Variants in PLD5 observed in about 807,000 individuals in gnomAD.
PLD5 encodes phospholipase D family member 5, also known as inactive phospholipase D5.
In PLD5, 36 loss-of-function variants were observed where a neutral mutation model predicts 61.1. The ratio of observed to expected loss-of-function variants is 0.59; its 90% CI spans 0.45 to 0.78. The LOEUF (loss-of-function observed/expected upper bound fraction) is 0.78. PLD5 is among the 30% of genes least tolerant of loss of function. The pLI is 0.00. For missense variants in PLD5, 515 were observed against 644.4 expected (o/e 0.80, Z 2.17); for synonymous variants, 243 against 242.8 (o/e 1.00, Z -0.01).
At chr1:242,280,905 G>T (rs1674685993) in intron 3 of PLD5, among the ~76,000 whole-genome samples, 1 of 152,222 alleles carries the variant, frequency 6.6e-6, no homozygotes, top group African/African-American at 2.4e-5. Flanking sequence ...CTGTTTGCAT[G>T]ATAAATGAAT....
intron 4 of PLD5, among the ~76,000 whole-genome samples, chr1:242,259,978 G>C (rs1439610927): frequency 1.3e-5 from 2 of 152,110 alleles, no homozygotes; most frequent in Non-Finnish European, 2.9e-5. Context: ...TAATATGACT[G>C]GGCTATTACT....
At chr1:242,336,095 ACT>A (rs896552226) in intron 2 of PLD5, among the ~76,000 whole-genome samples, 22 of 152,132 alleles carry the variant, frequency 1.4e-4, no homozygotes, top group African/African-American at 5.3e-4. Context: ...GATTTTCAAC[ACT>A]CCTCAGAATT....
intron 1 of PLD5, among the ~76,000 whole-genome samples, chr1:242,506,601 T>C (rs148358798): frequency 1.3e-5 from 2 of 152,260 alleles, no homozygotes; most frequent in Non-Finnish European, 2.9e-5. Context: ...GAAAGACACA[T>C]TTCTTCTCTC....
rs1221413297 is a variant in PLD5, at chr1:242,432,361, G to A, written c.190-84119C>T. On this transcript the variant is annotated intron_variant, in intron 1 of 9. Transcript: ENST00000536534. ...CCTATTGGAAATCAAAGGAGAAAAC[G>A]AGCTTAGACAAGGCTACAGGCGAGG... 2.6e-5 allele frequency among the ~76,000 whole-genome samples: 4 copies of A among 152,172 alleles called. No individual in the cohort carries two copies. In the East Asian group the frequency reaches 5.8e-4, roughly 22 times the overall value.
At chr1:242,207,602 T>C (rs1399074809) in intron 5 of PLD5, among the ~76,000 whole-genome samples, 1 of 151,376 alleles carries the variant, frequency 6.6e-6, no homozygotes, top group Admixed American at 6.6e-5. Context: ...AATACTTTTC[T>C]TTTTTTCCCA....
chr1:242,274,175 C>T (rs544428215), intron 3 of PLD5, among the ~76,000 whole-genome samples: 8 of 152,172 alleles, frequency 5.3e-5, no homozygotes, highest in African/African-American at 1.9e-4. Context: ...AAAGATACTA[C>T]AAAGTTAATA....
intron 1 of PLD5, among the ~76,000 whole-genome samples, chr1:242,466,454 A>G (rs7531824): frequency 0.63 from 96,075 of 152,042 alleles, 31,103 homozygotes; most frequent in African/African-American, 0.76. Context: ...AAAATGTGGT[A>G]TATATACACA....
chr1:242,419,899 G>GGCT (rs1389124737), intron 1 of PLD5, among the ~76,000 whole-genome samples: 1 of 152,098 alleles, frequency 6.6e-6, no homozygotes, highest in Non-Finnish European at 1.5e-5. Flanking sequence ...TTTAATCCAA[G>GGCT]GCTGCTAGCT....
At chr1:242,337,005 G>A (rs898124452) in intron 2 of PLD5, among the ~76,000 whole-genome samples, 17 of 152,030 alleles carry the variant, frequency 1.1e-4, no homozygotes, top group Non-Finnish European at 2.9e-5. Flanking sequence ...CTCAAATCAA[G>A]GCTGCTTAAA....
chr1:242,448,726 C>T (rs1384946744), intron 1 of PLD5, among the ~76,000 whole-genome samples: 1 of 152,164 alleles, frequency 6.6e-6, no homozygotes, highest in East Asian at 1.9e-4. Context: ...TTAAGGATCA[C>T]CTCATCCTGG....
intron 1 of PLD5, among the ~76,000 whole-genome samples, chr1:242,493,611 A>G (rs1668246330): frequency 1.3e-5 from 2 of 152,148 alleles, no homozygotes; most frequent in African/African-American, 4.8e-5. Flanking sequence ...GCCACCGAGG[A>G]TAGCTGGAGA....
intron 1 of PLD5, among the ~76,000 whole-genome samples, chr1:242,512,974 T>C (rs555717143): frequency 6.6e-6 from 1 of 152,110 alleles, no homozygotes; most frequent in South Asian, 2.1e-4. Context: ...TGAGTTCAAG[T>C]AATCCTCCCA....
Position 242,207,810 on chromosome 1 carries a change from T to TTATA in PLD5, c.735+12174_735+12177dup, listed in dbSNP as rs1403885337. 5.9e-3 allele frequency among the ~76,000 whole-genome samples: 223 copies of TTATA among 37,540 alleles called. 37 individuals are homozygous for TTATA. The highest frequency in any genetic ancestry group is 0.035 in the East Asian group (48 of 1,390). The allele number at this position is 37,540 out of a possible 152,430, so 24.6% of individuals were successfully genotyped here. A position where few individuals can be genotyped will look rare whatever the true frequency, so the allele number is the denominator to read the frequency against. On this transcript the variant is annotated intron_variant, in intron 5 of 9. Coordinates refer to ENST00000536534, the MANE Select transcript of PLD5 (RefSeq NM_001372062.1). ...TATATTTATATATATTTATATATAT[T>TTATA]TATATTTATATATTTATATATATTT...
chr1:242,447,458 G>A (rs182341650), intron 1 of PLD5, among the ~76,000 whole-genome samples: 39 of 152,300 alleles, frequency 2.6e-4, no homozygotes, highest in Middle Eastern at 6.8e-3. Flanking sequence ...CTCCTCTTCC[G>A]GTCAGTGGTC....
At chr1:242,092,999 C>A (rs1574277985) in intron 9 of PLD5, among the ~76,000 whole-genome samples, 1 of 152,300 alleles carries the variant, frequency 6.6e-6, no homozygotes, top group Non-Finnish European at 1.5e-5. Flanking sequence ...CATCCCAACC[C>A]ATCATCTGCC....
At chr1:242,211,688 G>A (rs1669832152) in intron 5 of PLD5, among the ~76,000 whole-genome samples, 1 of 152,064 alleles carries the variant, frequency 6.6e-6, no homozygotes, top group African/African-American at 2.4e-5. Flanking sequence ...CCCTGCATGA[G>A]GAACGCTACA....
intron 3 of PLD5, among the ~76,000 whole-genome samples, chr1:242,287,895 C>T (rs1675118298): frequency 6.6e-6 from 1 of 152,114 alleles, no homozygotes; most frequent in Admixed American, 6.6e-5. Context: ...AAACAACTAT[C>T]CTGGGAAATT....
At chr1:242,201,872 G>C (rs895767781) in intron 5 of PLD5, among the ~76,000 whole-genome samples, 1 of 152,108 alleles carries the variant, frequency 6.6e-6, no homozygotes, top group Non-Finnish European at 1.5e-5. Context: ...AATTGATGGA[G>C]GCCAGATTTT....
chr1:242,376,803 T>G, intron 1 of PLD5: 2 of 1,023,992 alleles, frequency 2.0e-6, no homozygotes, highest in Non-Finnish European at 2.8e-6. Context: ...TGAAAGAGAA[T>G]ATATTGCAAC....
Sources: allele counts gnomAD v4.1 joint callset (sites outside exome capture counted in the v4.1 genomes callset), GRCh38; gene constraint gnomAD v4.1.1; transcripts MANE v1.5; gene names NCBI Gene and HGNC (gene_info 2026-07-23, HGNC 2026-07-21).